ATRNL1: variants seen among roughly 807,000 people sequenced by gnomAD.
ATRNL1 encodes the protein attractin-like protein 1.
In ATRNL1, 95 loss-of-function variants were observed where a neutral mutation model predicts 182.7. The observed-to-expected ratio is 0.52, with a 90% confidence interval of 0.44 to 0.62. ATRNL1 has a LOEUF of 0.62. Ranked by LOEUF, ATRNL1 falls within the 20% of genes least tolerant of loss-of-function variation. The probability of loss-of-function intolerance (pLI) is 0.00; values close to 1 mark genes in which losing one functional copy is unlikely to be tolerated. For missense variants in ATRNL1, 1,471 were observed against 1,679.5 expected (o/e 0.88, Z 2.17); for synonymous variants, 576 against 568.3 (o/e 1.01, Z -0.19).
chr10:115,724,696 G>T (rs1947540088), intron 26 of ATRNL1, among the ~76,000 whole-genome samples: 1 of 152,050 alleles, frequency 6.6e-6, no homozygotes, highest in Non-Finnish European at 1.5e-5. Context: ...ATTATTTATA[G>T]ATGAAAAAAA....
chr10:115,655,110 T>A (rs1860251533), intron 26 of ATRNL1, among the ~76,000 whole-genome samples: 1 of 152,196 alleles, frequency 6.6e-6, no homozygotes, highest in Non-Finnish European at 1.5e-5. Flanking sequence ...GAATCCATCT[T>A]GGAAGTGGAT....
intron 19 of ATRNL1, among the ~76,000 whole-genome samples, chr10:115,384,082 A>G (rs1292162917): frequency 6.6e-6 from 1 of 152,050 alleles, no homozygotes; most frequent in Non-Finnish European, 1.5e-5. Context: ...TCTTCATTTC[A>G]TATTTGAAAA....
chr10:115,810,675 T>A (rs1555086797), intron 27 of ATRNL1, among the ~76,000 whole-genome samples: 2 of 151,860 alleles, frequency 1.3e-5, no homozygotes, highest in African/African-American at 4.8e-5. Context: ...AAATTCTATA[T>A]CTTTAGTAGA....
At chr10:115,617,943 G>C (rs1410317671) in intron 26 of ATRNL1, among the ~76,000 whole-genome samples, 1 of 152,114 alleles carries the variant, frequency 6.6e-6, no homozygotes, top group East Asian at 1.9e-4. Context: ...TCATAGGGTA[G>C]ATTTCCTCGT....
chr10:115,271,403 A>C (rs1554913005), intron 13 of ATRNL1, among the ~76,000 whole-genome samples: 1 of 152,054 alleles, frequency 6.6e-6, no homozygotes, highest in Non-Finnish European at 1.5e-5. Context: ...CATTTACGTT[A>C]GGTATATCTC....
chr10:115,541,382 G>A (rs1181840619), intron 25 of ATRNL1, among the ~76,000 whole-genome samples: 1 of 152,102 alleles, frequency 6.6e-6, no homozygotes, highest in Non-Finnish European at 1.5e-5. Context: ...TACTACAGTG[G>A]ATAAAAAGAA....
chr10:115,557,971 G>C (rs911621195), intron 26 of ATRNL1, among the ~76,000 whole-genome samples: 2 of 151,790 alleles, frequency 1.3e-5, no homozygotes, highest in Non-Finnish European at 1.5e-5. Flanking sequence ...CTTGAACCCA[G>C]GAGGCAGAGG....
At chr10:115,692,520 G>A (rs1283296010) in intron 26 of ATRNL1, among the ~76,000 whole-genome samples, 1 of 151,982 alleles carries the variant, frequency 6.6e-6, no homozygotes, top group African/African-American at 2.4e-5. Flanking sequence ...AGTTTAACTT[G>A]ACAACAGATG....
chr10:115,178,935 A>T (rs1038293613), intron 8 of ATRNL1, among the ~76,000 whole-genome samples: 3 of 152,050 alleles, frequency 2.0e-5, no homozygotes, highest in Non-Finnish European at 4.4e-5. Flanking sequence ...TTTCTAAAAA[A>T]ATTTATATTC....
chr10:115,883,017 C>G (rs1555108973), intron 28 of ATRNL1, among the ~76,000 whole-genome samples: 1 of 152,204 alleles, frequency 6.6e-6, no homozygotes, highest in Non-Finnish European at 1.5e-5. Context: ...CTGTCATGGT[C>G]TATCAGGGGA....
intron 27 of ATRNL1, among the ~76,000 whole-genome samples, chr10:115,733,828 C>T (rs1481333272): frequency 6.6e-6 from 1 of 151,958 alleles, no homozygotes; most frequent in Non-Finnish European, 1.5e-5. Context: ...AGAATACATC[C>T]TCATTATAGA....
intron 27 of ATRNL1, among the ~76,000 whole-genome samples, chr10:115,817,254 G>A (rs1950185442): frequency 1.3e-5 from 2 of 151,920 alleles, no homozygotes; most frequent in African/African-American, 2.4e-5. Flanking sequence ...TCTTTGAATT[G>A]AGGATCAATA....
chr10:115,322,308 G>T (rs114101608), intron 18 of ATRNL1, among the ~76,000 whole-genome samples: 1,968 of 151,752 alleles, frequency 0.013, 38 homozygotes, highest in African/African-American at 0.044. Flanking sequence ...TAAGTATATA[G>T]TTATAGCTTT....
At chr10:115,323,833 A>G (rs1554932298) in intron 18 of ATRNL1, among the ~76,000 whole-genome samples, 1 of 151,228 alleles carries the variant, frequency 6.6e-6, no homozygotes, top group African/African-American at 2.4e-5. Flanking sequence ...CCTGGAGTGC[A>G]GTGGCGCGAT....
At chr10:115,591,409 T>C (rs1555012202) in intron 26 of ATRNL1, among the ~76,000 whole-genome samples, 1 of 152,124 alleles carries the variant, frequency 6.6e-6, no homozygotes, top group Non-Finnish European at 1.5e-5. Context: ...AGAGGGAAGC[T>C]TCTCTAGAAT....
At chr10:115,100,894 A>G (rs1029422575) in intron 1 of ATRNL1, among the ~76,000 whole-genome samples, 1 of 152,150 alleles carries the variant, frequency 6.6e-6, no homozygotes, top group Non-Finnish European at 1.5e-5. Context: ...TAGTTGTTTA[A>G]TCTGTCAGCA....
chr10:115,703,364 A>G (rs1005468622), intron 26 of ATRNL1, among the ~76,000 whole-genome samples: 1 of 152,004 alleles, frequency 6.6e-6, no homozygotes, highest in Non-Finnish European at 1.5e-5. Context: ...AGAATTTATA[A>G]CTAAGTCTTC....
chr10:115,941,869 T>C (rs1414193812), intron 28 of ATRNL1, among the ~76,000 whole-genome samples: 2 of 152,204 alleles, frequency 1.3e-5, no homozygotes, highest in African/African-American at 4.8e-5. Context: ...GCAGAATAAG[T>C]GTTTAAAACA....
At chr10:115,137,957 A>G (rs1845590978) in intron 5 of ATRNL1, among the ~76,000 whole-genome samples, 1 of 152,244 alleles carries the variant, frequency 6.6e-6, no homozygotes, top group Non-Finnish European at 1.5e-5. Context: ...CTTCCTAGAT[A>G]ACAATCAGGG....
Sources: allele counts gnomAD v4.1 joint callset (sites outside exome capture counted in the v4.1 genomes callset), GRCh38; gene constraint gnomAD v4.1.1; transcripts MANE v1.5; gene names NCBI Gene and HGNC (gene_info 2026-07-23, HGNC 2026-07-21).